The following ARHGAP15 variants were observed in gnomAD, a reference collection of about 807,000 sequenced individuals.
ARHGAP15 encodes Rho GTPase activating protein 15.
ARHGAP15 carries 51 observed loss-of-function variants against 63.7 expected under a neutral mutation model. That is an observed-to-expected ratio of 0.80 (90% CI 0.64 to 1.01). The LOEUF is 1.01. Ranked by LOEUF, ARHGAP15 falls within the 50% of genes least tolerant of loss-of-function variation. ARHGAP15 has a pLI of 0.00. For synonymous variants in ARHGAP15, 191 were observed against 193.8 expected (o/e 0.99, Z 0.12); for missense variants, 560 against 564.6 (o/e 0.99, Z 0.08).
intron 6 of ARHGAP15, among the ~76,000 whole-genome samples, chr2:143,385,740 C>T (rs925736587): frequency 6.6e-6 from 1 of 151,956 alleles, no homozygotes; most frequent in Non-Finnish European, 1.5e-5. Flanking sequence ...AAACTAAAGC[C>T]GTTTGTTTGT....
At chr2:143,462,718 TAG>T (rs1447928995) in intron 8 of ARHGAP15, among the ~76,000 whole-genome samples, 1 of 152,224 alleles carries the variant, frequency 6.6e-6, no homozygotes, top group Non-Finnish European at 1.5e-5. Context: ...ACAGTCATTG[TAG>T]AATCACTCTG....
intron 6 of ARHGAP15, among the ~76,000 whole-genome samples, chr2:143,263,026 G>A (rs963406841): frequency 2.6e-5 from 4 of 152,074 alleles, no homozygotes; most frequent in African/African-American, 9.7e-5. Context: ...TATCAATGGT[G>A]TGCCATGCAT....
chr2:143,402,091 T>C (rs960314906), intron 6 of ARHGAP15, among the ~76,000 whole-genome samples: 1 of 151,898 alleles, frequency 6.6e-6, no homozygotes, highest in South Asian at 2.1e-4. Context: ...CCAAGTGCCA[T>C]GGCATTAACA....
At chr2:143,291,960 G>A (rs1338433057) in intron 6 of ARHGAP15, among the ~76,000 whole-genome samples, 1 of 152,050 alleles carries the variant, frequency 6.6e-6, no homozygotes, top group Non-Finnish European at 1.5e-5. Flanking sequence ...TAGAATAAAA[G>A]TATTTTAGAA....
At chr2:143,737,201 G>C (rs1481623186) in intron 13 of ARHGAP15, among the ~76,000 whole-genome samples, 1 of 152,248 alleles carries the variant, frequency 6.6e-6, no homozygotes, top group African/African-American at 2.4e-5. Flanking sequence ...ATAGAGAGCT[G>C]ATTAAGTGGG....
intron 13 of ARHGAP15, among the ~76,000 whole-genome samples, chr2:143,748,943 G>A (rs1419763597): frequency 6.6e-6 from 1 of 151,978 alleles, no homozygotes; most frequent in Non-Finnish European, 1.5e-5. Context: ...TGTCACTAAG[G>A]CAAAGTATAT....
intron 13 of ARHGAP15, among the ~76,000 whole-genome samples, chr2:143,726,413 A>T (rs1361802400): frequency 6.8e-6 from 1 of 147,674 alleles, no homozygotes; most frequent in East Asian, 1.9e-4. Flanking sequence ...ACTCTGCCTG[A>T]AAAAAACAAC....
chr2:143,431,198 T>C (rs571986206), intron 6 of ARHGAP15, among the ~76,000 whole-genome samples: 1 of 152,126 alleles, frequency 6.6e-6, no homozygotes, highest in African/African-American at 2.4e-5. Flanking sequence ...GAAACCAAAT[T>C]ATCACGGCCC....
chr2:143,680,995 T>C (rs1489056768), intron 12 of ARHGAP15, among the ~76,000 whole-genome samples: 1 of 152,208 alleles, frequency 6.6e-6, no homozygotes, highest in Non-Finnish European at 1.5e-5. Flanking sequence ...CCAAAATGTG[T>C]CAGACACATC....
At position 143,179,740 on chromosome 2, in the gene ARHGAP15, A is replaced by G. The variant is rs148538500; in HGVS notation, c.166-22394A>G. On this transcript the variant is annotated intron_variant, in intron 2 of 13. Transcript: ENST00000295095. ...CTGTCTCTACAAAAAATTAAAAACA[A>G]AATTAATCGGGCGTGCTTTTCCATG... is the stretch of plus-strand genomic sequence containing the variant. Among the ~76,000 whole-genome samples, 147 of 152,242 alleles carry G rather than the reference A, an allele frequency of 9.7e-4. 1 individual carries two copies. Among genetic ancestry groups the G allele is most frequent in the African/African-American group, 3.5e-3 (144 of 41,550 alleles).
intron 4 of ARHGAP15, among the ~76,000 whole-genome samples, chr2:143,221,786 A>G (rs759053638): frequency 1.3e-5 from 2 of 152,162 alleles, no homozygotes; most frequent in African/African-American, 2.4e-5. Context: ...ATAGAAAGAT[A>G]TACTTGGGGG....
intron 2 of ARHGAP15, 140 bp downstream of exon 2, chr2:143,155,795 C>T (rs1690054020): frequency 1.2e-6 from 1 of 803,234 alleles, no homozygotes; most frequent in Admixed American, 3.3e-5. Flanking sequence ...TTTTATCTTG[C>T]ATACTTACAG....
intron 6 of ARHGAP15, among the ~76,000 whole-genome samples, chr2:143,376,243 T>G (rs1170416627): frequency 6.6e-6 from 1 of 152,220 alleles, no homozygotes; most frequent in Non-Finnish European, 1.5e-5. Flanking sequence ...TTTTATTCAT[T>G]CTGAGCTAAC....
At chr2:143,623,296 C>A (rs748520275) in intron 11 of ARHGAP15, among the ~76,000 whole-genome samples, 3 of 152,156 alleles carry the variant, frequency 2.0e-5, no homozygotes, top group African/African-American at 7.2e-5. Flanking sequence ...AATTGCCCAG[C>A]GCACTTTATT....
At chr2:143,653,242 T>C (rs1428652433) in intron 12 of ARHGAP15, among the ~76,000 whole-genome samples, 1 of 152,134 alleles carries the variant, frequency 6.6e-6, no homozygotes, top group Non-Finnish European at 1.5e-5. Flanking sequence ...GGTCATGATA[T>C]ATTCATTTTT....
At chr2:143,216,985 A>G (rs1025212809) in intron 4 of ARHGAP15, among the ~76,000 whole-genome samples, 1 of 152,228 alleles carries the variant, frequency 6.6e-6, no homozygotes, top group Non-Finnish European at 1.5e-5. Context: ...CGGTAAAGAA[A>G]GATGATAATT....
At chr2:143,687,987 A>G (rs2105386141) in intron 12 of ARHGAP15, among the ~76,000 whole-genome samples, 1 of 152,298 alleles carries the variant, frequency 6.6e-6, no homozygotes, top group East Asian at 1.9e-4. Context: ...AATAATAAAT[A>G]TTTATTGAAG....
intron 8 of ARHGAP15, among the ~76,000 whole-genome samples, chr2:143,451,713 CTG>C (rs1018821892): frequency 6.6e-6 from 1 of 151,880 alleles, no homozygotes; most frequent in African/African-American, 2.4e-5. Flanking sequence ...AAGATGTGCC[CTG>C]TGTTTTTCTT....
At chr2:143,556,384 TA>T in intron 10 of ARHGAP15, 23 bp from the exon 11 acceptor site, 1 of 1,570,856 alleles carries the variant, frequency 6.4e-7, no homozygotes, top group Non-Finnish European at 8.7e-7. Context: ...TGTGCTAATA[TA>T]AAATATGCCC....
Sources: allele counts gnomAD v4.1 joint callset (sites outside exome capture counted in the v4.1 genomes callset), GRCh38; gene constraint gnomAD v4.1.1; transcripts MANE v1.5; gene names NCBI Gene and HGNC (gene_info 2026-07-23, HGNC 2026-07-21).